AFF2: variants seen among roughly 807,000 people sequenced by gnomAD.
The protein encoded by AFF2 is AF4/FMR2 family member 2.
Under a neutral mutation model 76.9 loss-of-function variants are expected in AFF2, and 14 were observed. The ratio of observed to expected loss-of-function variants is 0.18; its 90% CI spans 0.12 to 0.28. AFF2 has a LOEUF of 0.28. Among genes scored for constraint, AFF2 ranks in the 10% least tolerant of loss-of-function variants. The pLI, the probability that AFF2 is intolerant of heterozygous loss-of-function variation, is 1.00. For missense variants in AFF2, 868 were observed against 1,001.1 expected (o/e 0.87, Z 1.79); for synonymous variants, 398 against 366.7 (o/e 1.09, Z -0.98).
chrX:148,621,926 C>T (rs1557251318), intron 1 of AFF2, among the ~76,000 whole-genome samples: 1 of 111,995 alleles, frequency 8.9e-6, no homozygotes, highest in African/African-American at 3.2e-5. Context: ...GCATGATTTG[C>T]AATTACTAAA....
chrX:148,793,340 T>C (rs1329150542), intron 3 of AFF2, among the ~76,000 whole-genome samples: 10 of 112,093 alleles, frequency 8.9e-5, no homozygotes, highest in African/African-American at 3.2e-4. Context: ...CTCCCTTTTA[T>C]GTAACTTCTG....
chrX:148,715,582 G>A (rs1441753926), intron 3 of AFF2, among the ~76,000 whole-genome samples: 1 of 111,386 alleles, frequency 9.0e-6, no homozygotes, highest in Non-Finnish European at 1.9e-5. Flanking sequence ...GAGGATGATA[G>A]GGGCCATTTG....
intron 3 of AFF2, among the ~76,000 whole-genome samples, chrX:148,720,531 T>A (rs2055078654): frequency 9.0e-6 from 1 of 111,335 alleles, no homozygotes; most frequent in African/African-American, 3.3e-5. Context: ...TTATTATGAG[T>A]AACAATGATA....
rs2072638937 is a variant in AFF2 at position 148,998,783 on chromosome X, T to C, written c.*7451T>C. The C allele has an allele frequency of 9.0e-6, 1 of 110,804 alleles. No individual in the cohort carries two copies. Among genetic ancestry groups the C allele is most frequent in the East Asian group, 2.8e-4 (1 of 3,531 alleles). The allele number at this position is 110,804 out of a possible 1,213,427, so 9.1% of individuals were successfully genotyped here. A position where few individuals can be genotyped will look rare whatever the true frequency, so the allele number is the denominator to read the frequency against. ...TTTTTTTCATTTCTCCTTTTCCTTTTCCATTATTTTTCGATGGGGGGGTTG... is the reference window on the plus strand; with the variant it reads ...TTTTTTTCATTTCTCCTTTTCCTTTCCCATTATTTTTCGATGGGGGGGTTG... On this transcript the variant is annotated 3_prime_UTR_variant, in exon 21 of 21. Transcript: ENST00000370460.
At position 148,533,773 on chromosome X, in the gene AFF2, G is replaced by A. The variant is rs782350493; in HGVS notation, c.47+32629G>A. On this transcript the variant is annotated intron_variant, in intron 1 of 20. Transcript: ENST00000370460. ...TTTAATAAGGCAAATCTAGAAATTGGTTTTACTGGCTTCATAAATTTGTCT... is the reference window on the plus strand; with the variant it reads ...TTTAATAAGGCAAATCTAGAAATTGATTTTACTGGCTTCATAAATTTGTCT... 9.8e-5 allele frequency among the ~76,000 whole-genome samples: 11 copies of A among 111,823 alleles called. No homozygotes were observed. In the South Asian group the frequency reaches 4.1e-3, roughly 42 times the overall value.
intron 20 of AFF2, among the ~76,000 whole-genome samples, chrX:148,989,601 C>A (rs781795262): frequency 1.8e-5 from 2 of 112,551 alleles, no homozygotes; most frequent in Admixed American, 9.4e-5. Flanking sequence ...ATCTACTTAG[C>A]TTTGGGGATT....
chrX:148,666,826 C>T (rs782562606), intron 3 of AFF2, among the ~76,000 whole-genome samples: 2 of 111,278 alleles, frequency 1.8e-5, no homozygotes, highest in South Asian at 3.7e-4. Context: ...TGTTAATAAA[C>T]GTAGCTTTAT....
In AFF2 at chrX:148,953,751, T is replaced by G; in HGVS notation, c.1557+12T>G. The G allele has an allele frequency of 8.4e-7, 1 of 1,196,479 alleles. No homozygotes were observed. Among genetic ancestry groups the G allele is most frequent in the Non-Finnish European group, 1.1e-6 (1 of 886,606 alleles). Reference sequence around the variant, plus strand: ...TGGCAACTCCAGAGGTGAGTGAAGGTGCCAGGGCCCTAACCATGATCTGCC... The same window carrying G: ...TGGCAACTCCAGAGGTGAGTGAAGGGGCCAGGGCCCTAACCATGATCTGCC... On this transcript the variant is annotated intron_variant, in intron 10 of 20. Coordinates refer to ENST00000370460, the MANE Select transcript of AFF2 (RefSeq NM_002025.4).
At chrX:148,758,297 T>A (rs191850458) in intron 3 of AFF2, among the ~76,000 whole-genome samples, 1 of 112,746 alleles carries the variant, frequency 8.9e-6, no homozygotes, top group African/African-American at 3.2e-5. Context: ...ACAACATGAT[T>A]CTTAAGACAC....
At chrX:148,879,964 G>A (rs1431705803) in intron 7 of AFF2, among the ~76,000 whole-genome samples, 5 of 111,980 alleles carry the variant, frequency 4.5e-5, no homozygotes, top group African/African-American at 1.6e-4. Context: ...AAGGCCATCA[G>A]CTACAGAAGA....
At chrX:148,601,260 C>A (rs1293139073) in intron 1 of AFF2, among the ~76,000 whole-genome samples, 1 of 112,254 alleles carries the variant, frequency 8.9e-6, no homozygotes, top group Non-Finnish European at 1.9e-5. Context: ...TGAAAGAATT[C>A]TTTGAGACCA....
chrX:148,610,374 G>T (rs2053717237), intron 1 of AFF2, among the ~76,000 whole-genome samples: 1 of 111,587 alleles, frequency 9.0e-6, no homozygotes, highest in African/African-American at 3.3e-5. Context: ...GATGCTCTTT[G>T]CCCTCTTAGT....
intron 3 of AFF2, among the ~76,000 whole-genome samples, chrX:148,666,078 T>G (rs907601007): frequency 3.6e-5 from 4 of 111,887 alleles, no homozygotes; most frequent in Non-Finnish European, 7.5e-5. Context: ...AAACTATTAT[T>G]GAAATGTGAT....
At chrX:148,762,463 T>C (rs1224892922) in intron 3 of AFF2, among the ~76,000 whole-genome samples, 3 of 74,196 alleles carry the variant, frequency 4.0e-5, no homozygotes, top group Non-Finnish European at 7.2e-5. Flanking sequence ...ATATATATTA[T>C]GTGTGTACAT....
chrX:148,640,737 G>A (rs1381199048), intron 1 of AFF2, among the ~76,000 whole-genome samples: 7 of 112,147 alleles, frequency 6.2e-5, no homozygotes, highest in South Asian at 3.7e-4. Flanking sequence ...CTGTCACTGC[G>A]TATCTCAAAT....
chrX:148,565,416 C>T (rs782066216), intron 1 of AFF2, among the ~76,000 whole-genome samples: 3 of 111,131 alleles, frequency 2.7e-5, no homozygotes, highest in African/African-American at 9.8e-5. Context: ...GGATTTTATT[C>T]CTGCAACACA....
At chrX:148,825,625 A>T (rs1444574339) in intron 4 of AFF2, among the ~76,000 whole-genome samples, 4 of 103,036 alleles carry the variant, frequency 3.9e-5, no homozygotes, top group Non-Finnish European at 5.9e-5. Flanking sequence ...TCCATAGTTC[A>T]TAAGGCACAT....
chrX:148,851,325 T>C (rs782158331), intron 7 of AFF2, among the ~76,000 whole-genome samples: 3 of 112,135 alleles, frequency 2.7e-5, no homozygotes, highest in Non-Finnish European at 5.6e-5. Flanking sequence ...ACTTTAACAA[T>C]GTGGACCAAA....
chrX:148,539,620 C>G (rs1053091610), intron 1 of AFF2, among the ~76,000 whole-genome samples: 2 of 111,148 alleles, frequency 1.8e-5, no homozygotes, highest in Non-Finnish European at 3.8e-5. Flanking sequence ...GTCCTCTCCC[C>G]TCTTCCCTTT....
Sources: allele counts gnomAD v4.1 joint callset (sites outside exome capture counted in the v4.1 genomes callset), GRCh38; gene constraint gnomAD v4.1.1; transcripts MANE v1.5; gene names NCBI Gene and HGNC (gene_info 2026-07-23, HGNC 2026-07-21).